PRKN: variants seen among roughly 807,000 people sequenced by gnomAD.
The protein encoded by PRKN is parkin RBR E3 ubiquitin protein ligase.
A neutral mutation model predicts 59.5 loss-of-function variants in PRKN; 56 were observed. That is an observed-to-expected ratio of 0.94 (90% confidence interval 0.76 to 1.18). The LOEUF is 1.18. PRKN is among the 50% of genes most tolerant of loss of function. PRKN has a pLI of 0.00. For missense variants in PRKN, 657 were observed against 596.4 expected (o/e 1.10, Z -1.06); for synonymous variants, 250 against 222.1 (o/e 1.13, Z -1.12).
chr6:161,835,930 T>C (rs1274938283), intron 6 of PRKN, among the ~76,000 whole-genome samples: 1 of 152,222 alleles, frequency 6.6e-6, no homozygotes, highest in East Asian at 1.9e-4. Flanking sequence ...GCATTTTCAG[T>C]TGTCTTAAAT....
chr6:161,554,753 T>TACAC lies in PRKN; in HGVS notation c.934-5751_934-5750insGTGT, dbSNP rs566555229. Among the ~76,000 whole-genome samples the TACAC allele has an allele frequency of 6.7e-6, 1 of 150,228 alleles. No homozygotes were observed. Among genetic ancestry groups the TACAC allele is most frequent in the African/African-American group, 2.4e-5 (1 of 40,854 alleles). ...GTGTGTGTATATATATATATATATA[T>TACAC]ACATACACACTTATATTTATACATA... On this transcript the variant is annotated intron_variant, in intron 8 of 11. Transcript: ENST00000366898. This position sits in a 1 kb window ranked among gnomAD's most constrained non-coding sequence, Gnocchi z 4.5.
chr6:162,160,882 C>T (rs1041047802), intron 4 of PRKN, among the ~76,000 whole-genome samples: 1 of 94,338 alleles, frequency 1.1e-5, no homozygotes, highest in Non-Finnish European at 1.9e-5. Context: ...CACAGAGAGA[C>T]TCCGTCTCAA....
At chr6:162,070,039 CCCAAGCCAACCTTGATT>C (rs1173653211) in intron 4 of PRKN, among the ~76,000 whole-genome samples, 2 of 152,204 alleles carry the variant, frequency 1.3e-5, no homozygotes, top group Non-Finnish European at 1.5e-5. Context: ...TTTCACATGT[CCCAAGCCAACCTTGATT>C]TCCAGTGAAA....
At chr6:162,564,339 A>G (rs1284907695) in intron 1 of PRKN, among the ~76,000 whole-genome samples, 1 of 151,412 alleles carries the variant, frequency 6.6e-6, no homozygotes, top group Non-Finnish European at 1.5e-5. Flanking sequence ...GCAAGACTCC[A>G]TCTCAAAAAA....
rs58951544 is a variant in PRKN, at chr6:161,433,678, T to C, written c.1084-46801A>G. Among the ~76,000 whole-genome samples, 807 of 152,270 alleles carry C rather than the reference T, an allele frequency of 5.3e-3. 11 individuals are homozygous for C. Among genetic ancestry groups the C allele is most frequent in the African/African-American group, 0.018 (768 of 41,530 alleles). On this transcript the variant is annotated intron_variant, in intron 9 of 11. Transcript: ENST00000366898. ...GGACCCTCTGGTGTACAGATTCTATTTCTGTCATTTAAAAGATTGCTGTCT... is the reference window on the plus strand; with the variant it reads ...GGACCCTCTGGTGTACAGATTCTATCTCTGTCATTTAAAAGATTGCTGTCT...
rs888712171 is a variant in PRKN at position 161,395,583 on chromosome 6, G to A, written c.1084-8706C>T. On this transcript the variant is annotated intron_variant, in intron 9 of 11. Coordinates refer to ENST00000366898, the MANE Select transcript of PRKN (RefSeq NM_004562.3). The surrounding 1 kb of genome is among the most constrained non-coding windows in gnomAD (Gnocchi z 5.0). ...CAGTCACAGGCTTAGCAGCAAGGTG[G>A]GTGGAAGCTGCTTCCCCAACACGCT... Among the ~76,000 whole-genome samples, 7 of 152,156 alleles carry A rather than the reference G, an allele frequency of 4.6e-5. No individual in the cohort carries two copies. Among genetic ancestry groups the A allele is most frequent in the African/African-American group, 1.4e-4 (6 of 41,418 alleles).
intron 2 of PRKN, among the ~76,000 whole-genome samples, chr6:162,394,312 T>C (rs1038722716): frequency 2.6e-5 from 4 of 152,182 alleles, no homozygotes; most frequent in African/African-American, 9.7e-5. Context: ...AGAGAGGTCC[T>C]GGCCTAAAAT....
At chr6:162,508,762 A>G (rs957277015) in intron 1 of PRKN, among the ~76,000 whole-genome samples, 2 of 152,046 alleles carry the variant, frequency 1.3e-5, no homozygotes, top group African/African-American at 2.4e-5. Context: ...AATAAGACAG[A>G]AGCTATATAA....
At chr6:161,541,549 G>A (rs555002187) in intron 9 of PRKN, among the ~76,000 whole-genome samples, 2 of 152,284 alleles carry the variant, frequency 1.3e-5, no homozygotes, top group South Asian at 2.1e-4. Flanking sequence ...GGTCAGGTGC[G>A]GTGGCTCACG....
chr6:161,384,820 G>A (rs1432245512), intron 10 of PRKN, among the ~76,000 whole-genome samples: 2 of 152,220 alleles, frequency 1.3e-5, no homozygotes, highest in Non-Finnish European at 2.9e-5. Flanking sequence ...TAAAGCTATA[G>A]AGTTGCTAAG....
At chr6:161,662,072 A>G (rs952293544) in intron 7 of PRKN, among the ~76,000 whole-genome samples, 3 of 152,212 alleles carry the variant, frequency 2.0e-5, no homozygotes, top group Admixed American at 6.5e-5. Context: ...CTTAAAAAAA[A>G]TAAGTATCCC....
chr6:161,468,755 C>G lies in PRKN; in HGVS notation c.1083+80099G>C, dbSNP rs1034959307. Among the ~76,000 whole-genome samples, 2 of 152,140 alleles carry G rather than the reference C, an allele frequency of 1.3e-5. No homozygotes were observed. The highest frequency in any genetic ancestry group is 4.8e-5 in the African/African-American group (2 of 41,434). On this transcript the variant is annotated intron_variant, in intron 9 of 11. Coordinates refer to ENST00000366898, the MANE Select transcript of PRKN (RefSeq NM_004562.3). The surrounding 1 kb of genome is among the most constrained non-coding windows in gnomAD (Gnocchi z 5.9). ...TCAGAGGACTTGGGTATGTTCTTCT[C>G]AAGGACAGGAAAGTCATGCACAGTG...
chr6:162,276,761 T>C (rs1010512258), intron 2 of PRKN, among the ~76,000 whole-genome samples: 2 of 151,936 alleles, frequency 1.3e-5, no homozygotes, highest in African/African-American at 4.8e-5. Context: ...ATTGATAGCA[T>C]GTTATATACT....
At chr6:161,822,881 A>G (rs775838453) in intron 6 of PRKN, among the ~76,000 whole-genome samples, 24 of 152,180 alleles carry the variant, frequency 1.6e-4, no homozygotes, top group Middle Eastern at 3.4e-3. Flanking sequence ...TCCTTTGCCA[A>G]TTTTTTAATT....
chr6:162,529,199 T>C (rs952887582), intron 1 of PRKN, among the ~76,000 whole-genome samples: 2 of 152,118 alleles, frequency 1.3e-5, no homozygotes, highest in African/African-American at 2.4e-5. Context: ...TAGTGATACA[T>C]TTATACTGAT....
chr6:161,679,384 G>C (rs941258936), intron 7 of PRKN, among the ~76,000 whole-genome samples: 3 of 152,062 alleles, frequency 2.0e-5, no homozygotes, highest in African/African-American at 4.8e-5. Flanking sequence ...CACTGAGCTA[G>C]GCTGGAAACA....
At chr6:162,598,258 C>T (rs1317345803) in intron 1 of PRKN, among the ~76,000 whole-genome samples, 2 of 152,108 alleles carry the variant, frequency 1.3e-5, no homozygotes, top group African/African-American at 4.8e-5. Context: ...AAATAGGCTC[C>T]TATGCAATCG....
At chr6:161,815,769 G>A (rs576271649) in intron 6 of PRKN, among the ~76,000 whole-genome samples, 9 of 152,312 alleles carry the variant, frequency 5.9e-5, no homozygotes, top group Middle Eastern at 3.4e-3. Flanking sequence ...ACAGGTCTGT[G>A]TGTAGGGGGA....
chr6:162,379,583 C>G (rs910884432), intron 2 of PRKN, among the ~76,000 whole-genome samples: 1 of 152,178 alleles, frequency 6.6e-6, no homozygotes, highest in African/African-American at 2.4e-5. Flanking sequence ...TCATTCTGAT[C>G]CCATCCGACA....
Sources: gnomAD v4.1 joint callset for allele counts (sites outside exome capture counted in the v4.1 genomes callset) on GRCh38, gnomAD v4.1.1 for gene constraint, Gnocchi (gnomAD v3.1) non-coding constraint, MANE v1.5 for transcripts, NCBI Gene and HGNC (gene_info 2026-07-23, HGNC 2026-07-21) for gene names.